The following CSGALNACT1 variants were observed in gnomAD, a reference collection of about 807,000 sequenced individuals.
CSGALNACT1 encodes beta4GalNAcT-1.
Under a neutral mutation model 51.0 loss-of-function variants are expected in CSGALNACT1, and 52 were observed. The observed-to-expected ratio is 1.02, with a 90% CI of 0.82 to 1.29. The LOEUF (loss-of-function observed/expected upper bound fraction) is 1.29. CSGALNACT1 is among the 50% of genes most tolerant of loss of function. CSGALNACT1 has a pLI of 0.00. For synonymous variants in CSGALNACT1, 341 were observed against 254.4 expected, an observed-to-expected ratio of 1.34 and a Z score of -3.24; for missense variants, 935 against 679.2, an observed-to-expected ratio of 1.38 and a Z score of -4.19.
intron 1 of CSGALNACT1, among the ~76,000 whole-genome samples, chr8:19,689,411 CG>C (rs958040085): frequency 1.3e-5 from 2 of 152,182 alleles, no homozygotes; most frequent in African/African-American, 2.4e-5. Context: ...GCCCCCTGAA[CG>C]GTCCCAGCTG....
intron 4 of CSGALNACT1, among the ~76,000 whole-genome samples, chr8:19,472,922 C>G (rs2068543754): frequency 1.3e-5 from 2 of 152,090 alleles, no homozygotes; most frequent in South Asian, 2.1e-4. Flanking sequence ...ACATTCATGC[C>G]TGATACATAG....
At chr8:19,427,972 A>G (rs563963850) in intron 6 of CSGALNACT1, among the ~76,000 whole-genome samples, 1 of 152,166 alleles carries the variant, frequency 6.6e-6, no homozygotes, top group Admixed American at 6.5e-5. Flanking sequence ...TAGGTGTAGG[A>G]TAAGACACAT....
chr8:19,439,520 T>C (rs2060953719), intron 6 of CSGALNACT1, among the ~76,000 whole-genome samples: 2 of 152,170 alleles, frequency 1.3e-5, no homozygotes, highest in African/African-American at 2.4e-5. Context: ...CCCACATCTA[T>C]AGTGCTAAAA....
At chr8:19,432,531 T>A (rs958894403) in intron 6 of CSGALNACT1, among the ~76,000 whole-genome samples, 3 of 152,184 alleles carry the variant, frequency 2.0e-5, no homozygotes, top group African/African-American at 4.8e-5. Context: ...CCCTTCTCTA[T>A]CCCCTTCTTG....
intron 4 of CSGALNACT1, among the ~76,000 whole-genome samples, chr8:19,487,932 T>C (rs1319844383): frequency 6.6e-6 from 1 of 152,124 alleles, no homozygotes; most frequent in African/African-American, 2.4e-5. Context: ...GATATTGATA[T>C]TAACCCTAGA....
chr8:19,673,460 C>T (rs757223966), intron 1 of CSGALNACT1, among the ~76,000 whole-genome samples: 19 of 152,180 alleles, frequency 1.2e-4, no homozygotes, highest in Non-Finnish European at 7.3e-5. Context: ...GATAATGAGA[C>T]CAAAGTTGCT....
At chr8:19,682,961 AG>A (rs1182398348), upstream of CSGALNACT1, 1 of 302,536 alleles carries the variant, frequency 3.3e-6, no homozygotes, top group Non-Finnish European at 6.7e-6. Context: ...ACTTCGCTGC[AG>A]TCCTTCGTAA....
At chr8:19,649,845 A>AAAAAAAAC (rs1564347663) in intron 1 of CSGALNACT1, among the ~76,000 whole-genome samples, 1 of 143,628 alleles carries the variant, frequency 7.0e-6, no homozygotes, top group African/African-American at 2.6e-5. Flanking sequence ...AAAAAAAAAA[A>AAAAAAAAC]CCACGGGGGG....
At chr8:19,418,345 A>C (rs1236539025) in intron 8 of CSGALNACT1, among the ~76,000 whole-genome samples, 1 of 152,188 alleles carries the variant, frequency 6.6e-6, no homozygotes, top group African/African-American at 2.4e-5. Flanking sequence ...GATTTTGCAA[A>C]AATCAAGAGA....
In CSGALNACT1 at chr8:19,725,220, G is replaced by A. The variant is rs187685391; in HGVS notation, c.-297+32630C>T. On this transcript the variant is annotated intron_variant, in intron 1 of 1. Coordinates refer to the CSGALNACT1 transcript ENST00000517494. Reference sequence around the variant, plus strand: ...TCCAAGGCACTAAGCCTTGGCGAGCGCTTTGCTAGTGCAGCCCACCCTCCA... The same window carrying A: ...TCCAAGGCACTAAGCCTTGGCGAGCACTTTGCTAGTGCAGCCCACCCTCCA... Among the ~76,000 whole-genome samples, 38 of 152,250 alleles carry A rather than the reference G, an allele frequency of 2.5e-4. No homozygotes were observed. In the East Asian group the frequency reaches 5.6e-3, roughly 22 times the overall value.
At chr8:19,477,792 A>G (rs549704691) in intron 4 of CSGALNACT1, among the ~76,000 whole-genome samples, 2 of 152,348 alleles carry the variant, frequency 1.3e-5, no homozygotes, top group Middle Eastern at 3.4e-3. Context: ...ACTGAAATAC[A>G]TATGTAGCAC....
At chr8:19,676,828 G>C (rs1051111352) in intron 1 of CSGALNACT1, among the ~76,000 whole-genome samples, 1 of 152,108 alleles carries the variant, frequency 6.6e-6, no homozygotes, top group Non-Finnish European at 1.5e-5. Context: ...TGGGAGGCTC[G>C]GTACTGGAAC....
chr8:19,524,287 G>GA (rs1231468877), intron 3 of CSGALNACT1, among the ~76,000 whole-genome samples: 3 of 151,972 alleles, frequency 2.0e-5, no homozygotes, highest in South Asian at 2.1e-4. Context: ...TCCTGTCTCT[G>GA]AAAAAACACT....
chr8:19,591,955 A>G (rs2047912830), intron 2 of CSGALNACT1, among the ~76,000 whole-genome samples: 1 of 152,178 alleles, frequency 6.6e-6, no homozygotes, highest in African/African-American at 2.4e-5. Flanking sequence ...TAGATGTGAT[A>G]CCTTGATAAG....
At chr8:19,723,442 G>GA (rs35424472) in intron 1 of CSGALNACT1, among the ~76,000 whole-genome samples, 2 of 152,158 alleles carry the variant, frequency 1.3e-5, no homozygotes, top group African/African-American at 2.4e-5. Context: ...GTACCATTCT[G>GA]AAAAAAGAAT....
chr8:19,670,260 C>T (rs2059687672), intron 1 of CSGALNACT1, among the ~76,000 whole-genome samples: 1 of 152,136 alleles, frequency 6.6e-6, no homozygotes, highest in East Asian at 1.9e-4. Flanking sequence ...CATTGCAGTA[C>T]CTTATAACTA....
At chr8:19,743,679 G>A (rs1448858416) in intron 1 of CSGALNACT1, among the ~76,000 whole-genome samples, 1 of 152,064 alleles carries the variant, frequency 6.6e-6, no homozygotes, top group Admixed American at 6.5e-5. Flanking sequence ...CTTATTGATT[G>A]CTATTTTCTT....
chr8:19,634,997 A>T (rs1489579037), intron 1 of CSGALNACT1, among the ~76,000 whole-genome samples: 1 of 152,236 alleles, frequency 6.6e-6, no homozygotes. Context: ...TCGATTTTGG[A>T]AAGACAGGTC....
chr8:19,724,032 C>A (rs2063267184), intron 1 of CSGALNACT1, among the ~76,000 whole-genome samples: 1 of 152,140 alleles, frequency 6.6e-6, no homozygotes. Context: ...AGATTTGTGC[C>A]TAAATCCTCC....
Sources: gnomAD v4.1 joint callset for allele counts (sites outside exome capture counted in the v4.1 genomes callset) on GRCh38, gnomAD v4.1.1 for gene constraint, MANE v1.5 for transcripts, NCBI Gene and HGNC (gene_info 2026-07-23, HGNC 2026-07-21) for gene names.